The following KCTD20 variants were observed in gnomAD, a reference collection of about 807,000 sequenced individuals.
KCTD20 encodes BTB/POZ domain-containing protein KCTD20.
In KCTD20, 30 loss-of-function variants were observed where a neutral mutation model predicts 39.6. The ratio of observed to expected loss-of-function variants is 0.76; its 90% CI spans 0.57 to 1.03. The LOEUF (loss-of-function observed/expected upper bound fraction) is 1.03. Ranked by LOEUF, KCTD20 falls within the 50% of genes least tolerant of loss-of-function variation. KCTD20 has a pLI of 0.00. For missense variants in KCTD20, 422 were observed against 522.0 expected, an observed-to-expected ratio of 0.81 and a Z score of 1.87; for synonymous variants, 162 against 180.6, an observed-to-expected ratio of 0.90 and a Z score of 0.83.
rs1431447509 is a variant in KCTD20, at chr6:36,487,934, G to C, written c.*759G>C. 6.6e-6 allele frequency: 1 copy of C among 152,190 alleles called. No homozygotes were observed. The highest frequency in any genetic ancestry group is 1.9e-4 in the East Asian group (1 of 5,204). The allele number at this position is 152,190 out of a possible 1,614,324, so 9.4% of individuals were successfully genotyped here. On this transcript the variant is annotated 3_prime_UTR_variant, in exon 8 of 8. Transcript: ENST00000373731. ...CAAGTAGAAGGACCTCTCCAAATCA[G>C]GCCAGTTGGGTTATCCTGGCTTGGA...
In KCTD20 at chr6:36,484,781, G is replaced by A. The variant is rs1297543303; in HGVS notation, c.924G>A (p.Val308=). 1 of 1,603,496 alleles carries A rather than the reference G, an allele frequency of 6.2e-7. No individual in the cohort carries two copies. ...YIENRDVAKT[V]LKERGLKNIR... ...AGAATAGGGATGTTGCAAAAACAGT[G>A]TTAAAGGAACGGGGCCTAAAAAACA... Residue 308 remains valine (V), a synonymous_variant, in exon 7 of 8, where the codon GTG becomes GTA. Coordinates refer to ENST00000373731, the MANE Select transcript of KCTD20 (RefSeq NM_173562.5).
Position 36,484,779 on chromosome 6 carries a change from G to A in KCTD20, c.922G>A (p.Val308Met), listed in dbSNP as rs765247605. ...TGAGAATAGGGATGTTGCAAAAACA[G>A]TGTTAAAGGAACGGGGCCTAAAAAA... ...YIENRDVAKT[V>M]LKERGLKNIR... The change falls in exon 7 of 8, where the codon GTG (valine) becomes ATG (methionine). Residue 308 changes from valine (V) to methionine (M), a missense_variant. By Grantham distance (21) the Val-to-Met change is conservative. Transcript: ENST00000373731. The A allele has an allele frequency of 6.2e-7, 1 of 1,606,080 alleles. No individual in the cohort carries two copies. Among genetic ancestry groups the A allele is most frequent in the Non-Finnish European group, 8.5e-7 (1 of 1,175,032 alleles).
At chr6:36,484,568 G>A (rs1247765643) in intron 6 of KCTD20, 146 bp from the exon 7 acceptor site, 1 of 525,514 alleles carries the variant, frequency 1.9e-6, no homozygotes, top group Non-Finnish European at 3.4e-6. Context: ...TACGGTTTAT[G>A]TATTATTTAA....
intron 1 of KCTD20, among the ~76,000 whole-genome samples, chr6:36,450,163 TAAAAAAAAAAAA>T (rs576681021): frequency 0.67 from 71,365 of 106,108 alleles, 22,613 homozygotes; most frequent in Middle Eastern, 0.8. Flanking sequence ...GACTCCGTCC[TAAAAAAAAAAAA>T]AAAAAAAAAA....
chr6:36,453,919 A>G (rs1775347513), intron 1 of KCTD20, among the ~76,000 whole-genome samples: 1 of 152,094 alleles, frequency 6.6e-6, no homozygotes, highest in Admixed American at 6.6e-5. Context: ...TCTCCATTTC[A>G]TTGTGTTCTG....
At chr6:36,449,587 A>G (rs1168720416) in intron 1 of KCTD20, among the ~76,000 whole-genome samples, 8 of 152,262 alleles carry the variant, frequency 5.3e-5, no homozygotes, top group South Asian at 2.1e-4. Flanking sequence ...AAGTTCTCCA[A>G]TTGCGTTTAC....
intron 4 of KCTD20, 44 bp downstream of exon 4, chr6:36,479,267 T>A: frequency 7.4e-7 from 1 of 1,359,820 alleles, no homozygotes; most frequent in Non-Finnish European, 1.0e-6. Flanking sequence ...CTCAGGGGCA[T>A]GTGTGATCAA....
chr6:36,485,488 CTTTT>C (rs34990483), intron 7 of KCTD20, among the ~76,000 whole-genome samples: 5 of 97,116 alleles, frequency 5.1e-5, no homozygotes, highest in East Asian at 6.2e-4. Context: ...TGGAGTGGAT[CTTTT>C]TTTTTTTTTT....
rs1561951831 is a variant in KCTD20, at chr6:36,469,773, AT to A, written c.-46-277del. ...TTATTGTACCACCATTTAATGTAGA[AT>A]TGATCAAGAATGTGACCAAAGTCAG... On this transcript the variant is annotated intron_variant, in intron 1 of 7. Transcript: ENST00000373731. This position sits in a 1 kb window ranked among gnomAD's most constrained non-coding sequence, Gnocchi z 4.6. Among the ~76,000 whole-genome samples the A allele has an allele frequency of 1.3e-5, 2 of 152,240 alleles. No individual in the cohort carries two copies. The highest frequency in any genetic ancestry group is 2.9e-5 in the Non-Finnish European group (2 of 68,050).
chr6:36,485,095 G>C (rs1042881607), intron 7 of KCTD20, among the ~76,000 whole-genome samples: 1 of 152,200 alleles, frequency 6.6e-6, no homozygotes, highest in Non-Finnish European at 1.5e-5. Flanking sequence ...GGGAGATACA[G>C]CAGGGCTTGT....
chr6:36,463,604 G>A (rs1459996253), intron 1 of KCTD20, among the ~76,000 whole-genome samples: 1 of 152,156 alleles, frequency 6.6e-6, no homozygotes, highest in Non-Finnish European at 1.5e-5. Flanking sequence ...GAGGCCTTTA[G>A]GAGGTGATTA....
intron 3 of KCTD20, 85 bp downstream of exon 3, chr6:36,475,147 G>A (rs1204768132): frequency 7.0e-7 from 1 of 1,438,684 alleles, no homozygotes; most frequent in Non-Finnish European, 9.5e-7. Flanking sequence ...AGATATAACA[G>A]TAAAAAGTAT....
rs566165956 is a variant in KCTD20 at position 36,482,318 on chromosome 6, C to G, written c.856+559C>G. 9.9e-5 allele frequency among the ~76,000 whole-genome samples: 15 copies of G among 152,212 alleles called. No homozygotes were observed. The South Asian group carries it at 3.1e-3, about 32-fold the overall frequency. On this transcript the variant is annotated intron_variant, in intron 6 of 7. Coordinates refer to ENST00000373731, the MANE Select transcript of KCTD20 (RefSeq NM_173562.5). The stretch of plus-strand genomic sequence containing the variant: ...CCTGTAATCCCAGCACTTTGGGAGG[C>G]CGAGGCAGGCGAATCATGAGGTCAG...
intron 5 of KCTD20, among the ~76,000 whole-genome samples, chr6:36,480,408 GC>G (rs1167741015): frequency 2.2e-5 from 3 of 133,782 alleles, no homozygotes; most frequent in Non-Finnish European, 4.7e-5. Context: ...TCATGATATT[GC>G]CTTTTTTTTT....
intron 1 of KCTD20, among the ~76,000 whole-genome samples, chr6:36,468,320 G>T (rs1032042157): frequency 6.6e-6 from 1 of 152,094 alleles, no homozygotes; most frequent in African/African-American, 2.4e-5. Context: ...ATAACAAAAC[G>T]ATTTTCTTAC....
At chr6:36,455,784 C>T (rs888246368) in intron 1 of KCTD20, among the ~76,000 whole-genome samples, 9 of 152,224 alleles carry the variant, frequency 5.9e-5, no homozygotes, top group Admixed American at 1.3e-4. Flanking sequence ...AGAATTTCTT[C>T]TTCCTCAGAG....
chr6:36,476,577 G>C (rs1776071303), intron 3 of KCTD20, among the ~76,000 whole-genome samples: 1 of 151,840 alleles, frequency 6.6e-6, no homozygotes, highest in Non-Finnish European at 1.5e-5. Flanking sequence ...TCACAGGTGT[G>C]TGCCACCACA....
intron 1 of KCTD20, among the ~76,000 whole-genome samples, chr6:36,458,226 T>C (rs757153796): frequency 6.6e-6 from 1 of 151,936 alleles, no homozygotes; most frequent in South Asian, 2.1e-4. Context: ...CTAATTTTTT[T>C]TTATTTTTAT....
intron 2 of KCTD20, among the ~76,000 whole-genome samples, chr6:36,472,377 TG>T (rs1775937924): frequency 1.3e-5 from 2 of 152,206 alleles, no homozygotes; most frequent in South Asian, 4.1e-4. Flanking sequence ...TACAAACAAA[TG>T]GGAAAAAAAC....
Sources: gnomAD v4.1 joint callset for allele counts (sites outside exome capture counted in the v4.1 genomes callset) on GRCh38, gnomAD v4.1.1 for gene constraint, Gnocchi (gnomAD v3.1) non-coding constraint, MANE v1.5 for transcripts, NCBI Gene and HGNC (gene_info 2026-07-23, HGNC 2026-07-21) for gene names.